HECTD4: variants seen among roughly 807,000 people sequenced by gnomAD.
The protein encoded by HECTD4 is probable E3 ubiquitin-protein ligase HECTD4.
In HECTD4, 114 loss-of-function variants were observed where a neutral mutation model predicts 471.5. That is an observed-to-expected ratio of 0.24 (90% CI 0.21 to 0.28). The LOEUF (loss-of-function observed/expected upper bound fraction) is 0.28. Among genes scored for constraint, HECTD4 ranks in the 10% least tolerant of loss-of-function variants. The pLI, the probability that HECTD4 is intolerant of heterozygous loss-of-function variation, is 1.00. For missense variants in HECTD4, 3,866 were observed against 5,651.5 expected, an observed-to-expected ratio of 0.68 and a Z score of 10.13; for synonymous variants, 2,012 against 2,256.0, an observed-to-expected ratio of 0.89 and a Z score of 3.07.
In HECTD4 at chr12:112,246,396, C is replaced by T. The variant is rs117793103; in HGVS notation, c.4513+505G>A. 2.3e-3 allele frequency among the ~76,000 whole-genome samples: 353 copies of T among 152,032 alleles called. 4 individuals are homozygous for T. In the East Asian group the frequency reaches 0.036, roughly 16 times the overall value. ...CACCTGTAATCCTGGCATGTTAGGA[C>T]GCCAAGGTGGGCGGATCACCAGAGG... On this transcript the variant is annotated intron_variant, in intron 29 of 75. Coordinates refer to ENST00000682272, the MANE Select transcript of HECTD4 (RefSeq NM_001388303.1).
chr12:112,173,979 T>C lies in HECTD4; in HGVS notation c.11595-1118A>G, dbSNP rs548415668. ...TTTTGGTAGCCATTTTCTTTCCTTTTCTTTTTTTTTTTTTTGAGTTGGAGT... is the reference window on the plus strand; with the variant it reads ...TTTTGGTAGCCATTTTCTTTCCTTTCCTTTTTTTTTTTTTTGAGTTGGAGT... On this transcript the variant is annotated intron_variant, in intron 66 of 75. Transcript: ENST00000682272. The surrounding 1 kb of genome is among the most constrained non-coding windows in gnomAD (Gnocchi z 4.3). Among the ~76,000 whole-genome samples the C allele has an allele frequency of 3.3e-5, 5 of 151,784 alleles. No individual in the cohort carries two copies. Among genetic ancestry groups the C allele is most frequent in the Non-Finnish European group, 7.4e-5 (5 of 67,952 alleles).
At chr12:112,242,766 C>A (rs959564457) in intron 32 of HECTD4, among the ~76,000 whole-genome samples, 3 of 152,178 alleles carry the variant, frequency 2.0e-5, no homozygotes. Context: ...TAAAAATTAG[C>A]CAGGTGTGGT....
intron 29 of HECTD4, among the ~76,000 whole-genome samples, chr12:112,245,319 A>G (rs1423116164): frequency 6.6e-6 from 1 of 152,184 alleles, no homozygotes; most frequent in Non-Finnish European, 1.5e-5. Flanking sequence ...ACCATTTTGT[A>G]TCTGTCTTAA....
chr12:112,279,684 C>T (rs949895852), intron 8 of HECTD4, among the ~76,000 whole-genome samples: 12 of 152,188 alleles, frequency 7.9e-5, no homozygotes, highest in African/African-American at 2.9e-4. Context: ...AATAAATCCT[C>T]ACATGGACTA....
chr12:112,171,984 A>G (rs1028462807), intron 67 of HECTD4, among the ~76,000 whole-genome samples: 1 of 151,702 alleles, frequency 6.6e-6, no homozygotes, highest in Non-Finnish European at 1.5e-5. Context: ...GTTCACCACA[A>G]CCTCCACCTC....
intron 17 of HECTD4, 91 bp from the exon 18 acceptor site, chr12:112,261,520 T>C: frequency 7.9e-7 from 1 of 1,266,074 alleles, no homozygotes; most frequent in Non-Finnish European, 1.1e-6. Flanking sequence ...TAATGATGTA[T>C]TTCCAAATGA....
intron 72 of HECTD4, 25 bp downstream of exon 72, chr12:112,167,292 C>T: frequency 1.3e-6 from 2 of 1,586,058 alleles, no homozygotes; most frequent in Non-Finnish European, 1.7e-6. Flanking sequence ...TTCTGCAGCC[C>T]CCCAGAACTG....
chr12:112,265,134 C>G, intron 16 of HECTD4, 41 bp downstream of exon 16: 1 of 1,540,028 alleles, frequency 6.5e-7, no homozygotes, highest in Middle Eastern at 1.7e-4. Flanking sequence ...AACAGGGATG[C>G]TTGATATAAT....
At position 112,361,871 on chromosome 12, in the gene HECTD4, T is replaced by C. The variant is rs1051079395; in HGVS notation, c.177+20081A>G. 3.9e-5 allele frequency among the ~76,000 whole-genome samples: 6 copies of C among 152,334 alleles called. No homozygotes were observed. The Middle Eastern group carries it at 0.01, about 259-fold the overall frequency. ...CAAAAAACTCTACAATATAGTACTT[T>C]ACATACATTTAAAAACCAGTCATGT... On this transcript the variant is annotated intron_variant, in intron 1 of 75. Coordinates refer to ENST00000682272, the MANE Select transcript of HECTD4 (RefSeq NM_001388303.1).
chr12:112,363,513 T>G (rs941291137), intron 1 of HECTD4, among the ~76,000 whole-genome samples: 1 of 152,208 alleles, frequency 6.6e-6, no homozygotes, highest in Non-Finnish European at 1.5e-5. Flanking sequence ...AGTTCACTAC[T>G]TGATCATAGA....
At chr12:112,257,199 C>G (rs2034034670) in intron 20 of HECTD4, among the ~76,000 whole-genome samples, 1 of 152,166 alleles carries the variant, frequency 6.6e-6, no homozygotes. Flanking sequence ...ATGGTAGCTA[C>G]TAGTCACATG....
chr12:112,229,914 A>T, intron 40 of HECTD4, 34 bp from the exon 41 acceptor site: 1 of 1,571,140 alleles, frequency 6.4e-7, no homozygotes, highest in Non-Finnish European at 8.7e-7. Flanking sequence ...ACTAGGAGTT[A>T]AAGCTTTGGT....
At chr12:112,167,973 C>G (rs763878664) in intron 70 of HECTD4, 56 bp from the exon 71 acceptor site, 10 of 1,303,602 alleles carry the variant, frequency 7.7e-6, no homozygotes, top group Non-Finnish European at 1.1e-5. Flanking sequence ...GAGGCGACAC[C>G]GTTCCCTCCC....
chr12:112,302,999 T>A (rs2035196494), intron 7 of HECTD4, among the ~76,000 whole-genome samples: 1 of 138,524 alleles, frequency 7.2e-6, no homozygotes, highest in Admixed American at 7.4e-5. Context: ...TTTTTTTTTT[T>A]AACAGTTCAG....
chr12:112,167,556 C>T lies in HECTD4; in HGVS notation c.12313-18G>A, dbSNP rs1337212731. 1.9e-6 allele frequency: 3 copies of T among 1,552,296 alleles called. No homozygotes were observed. Among genetic ancestry groups the T allele is most frequent in the South Asian group, 2.4e-5 (2 of 82,784 alleles). ...TACTTGCCCTGGAAGTGGAGGTGGGCATGAGGTGACCTGGGCGTGGGCCTC... is the reference window on the plus strand; with the variant it reads ...TACTTGCCCTGGAAGTGGAGGTGGGTATGAGGTGACCTGGGCGTGGGCCTC... On this transcript the variant is annotated intron_variant, in intron 71 of 75. Transcript: ENST00000682272.
chr12:112,176,635 C>T lies in HECTD4; in HGVS notation c.11431G>A (p.Glu3811Lys). 6.2e-7 allele frequency: 1 copy of T among 1,614,022 alleles called. No individual in the cohort carries two copies. The highest frequency in any genetic ancestry group is 8.5e-7 in the Non-Finnish European group (1 of 1,179,894). ...GTAGGTGACTTTTCTGGGTCCTTTT[C>T]ATCTGGTTTGCTCTTTTCTGGTGAT... ...PKSPEKSKPD[E>K]KDPEKSPTKK... The change falls in exon 65 of 76, where the codon GAA (glutamate) becomes AAA (lysine). Residue 3811 changes from glutamate to lysine, a missense_variant. Glu to Lys is a moderately conservative substitution (Grantham distance 56). Transcript: ENST00000682272.
intron 55 of HECTD4, among the ~76,000 whole-genome samples, chr12:112,197,180 A>C (rs1197070310): frequency 6.6e-6 from 1 of 151,780 alleles, no homozygotes. Flanking sequence ...CCAAAGTGCT[A>C]AGATTACAGG....
intron 8 of HECTD4, among the ~76,000 whole-genome samples, chr12:112,279,760 G>A (rs140659700): frequency 1.1e-3 from 174 of 152,328 alleles, no homozygotes; most frequent in African/African-American, 4.0e-3. Flanking sequence ...GATATAGGTT[G>A]AGTACATTTA....
chr12:112,316,630 C>T (rs1027120881), intron 2 of HECTD4, among the ~76,000 whole-genome samples: 4 of 152,070 alleles, frequency 2.6e-5, no homozygotes, highest in Non-Finnish European at 5.9e-5. Context: ...ATCCCTAAGA[C>T]CGGGCAAGAT....
Sources: gnomAD v4.1 joint callset for allele counts (sites outside exome capture counted in the v4.1 genomes callset) on GRCh38, gnomAD v4.1.1 for gene constraint, Gnocchi (gnomAD v3.1) non-coding constraint, MANE v1.5 for transcripts, NCBI Gene and HGNC (gene_info 2026-07-23, HGNC 2026-07-21) for gene names.